TXNRD1: variants seen among roughly 807,000 people sequenced by gnomAD.
TXNRD1 encodes thioredoxin reductase 1, cytoplasmic.
TXNRD1 carries 57 observed loss-of-function variants against 80.3 expected under a neutral mutation model. The ratio of observed to expected loss-of-function variants is 0.71; its 90% confidence interval spans 0.57 to 0.89. TXNRD1 has a LOEUF of 0.89. Among genes scored for constraint, TXNRD1 ranks in the 40% least tolerant of loss-of-function variants. TXNRD1 has a pLI of 0.00. For missense variants in TXNRD1, 730 were observed against 803.0 expected, an observed-to-expected ratio of 0.91 and a Z score of 1.10; for synonymous variants, 291 against 285.2, an observed-to-expected ratio of 1.02 and a Z score of -0.20.
intron 4 of TXNRD1, among the ~76,000 whole-genome samples, chr12:104,307,999 C>CTT (rs11300166): frequency 3.5e-5 from 5 of 143,304 alleles, no homozygotes; most frequent in African/African-American, 7.7e-5. Flanking sequence ...CCTTTTCTTT[C>CTT]TTTTTTTTTT....
rs199989955 is a variant in TXNRD1, at chr12:104,324,353, GT to G, written c.1216-968del. The stretch of plus-strand genomic sequence containing the variant: ...CTGGATAGTTTCCCAGGTGGGTTTC[GT>G]TTTTTTTTTTTTTTTGAGATGGAGT... On this transcript the variant is annotated intron_variant, in intron 10 of 16. Transcript: ENST00000525566. Among the ~76,000 whole-genome samples, 959 of 120,112 alleles carry G rather than the reference GT, an allele frequency of 8.0e-3. 7 individuals carry two copies. The highest frequency in any genetic ancestry group is 0.026 in the African/African-American group (839 of 32,508). The allele number at this position is 120,112 out of a possible 152,430, so 78.8% of individuals were successfully genotyped here.
intron 3 of TXNRD1, among the ~76,000 whole-genome samples, chr12:104,267,421 G>A (rs2033528768): frequency 1.3e-5 from 2 of 151,646 alleles, no homozygotes; most frequent in African/African-American, 4.8e-5. Context: ...GGGAGTACAG[G>A]TATGTGCCAC....
At chr12:104,267,702 TC>T (rs1565870295) in intron 3 of TXNRD1, among the ~76,000 whole-genome samples, 751 of 60,828 alleles carry the variant, frequency 0.012, 14 homozygotes, top group Non-Finnish European at 0.019. Context: ...TCTTTCTTTC[TC>T]TCTTTCTTTC....
chr12:104,305,060 ATTGT>A, intron 4 of TXNRD1: 2 of 1,036,420 alleles, frequency 1.9e-6, no homozygotes, highest in Non-Finnish European at 2.7e-6. Flanking sequence ...AACATCAGAC[ATTGT>A]TTTACTGTGC....
intron 4 of TXNRD1, among the ~76,000 whole-genome samples, chr12:104,295,260 G>T (rs1351600347): frequency 6.6e-6 from 1 of 152,072 alleles, no homozygotes; most frequent in East Asian, 1.9e-4. Context: ...TCAAAATTCT[G>T]GTGGTATAGA....
chr12:104,325,218 A>G (rs1796032596), intron 10 of TXNRD1, 119 bp from the exon 11 acceptor site: 5 of 729,992 alleles, frequency 6.8e-6, no homozygotes, highest in Non-Finnish European at 1.2e-5. Flanking sequence ...TGGGACATAA[A>G]AGACTTTTCA....
At chr12:104,347,278 G>C (rs11610799) in intron 16 of TXNRD1, among the ~76,000 whole-genome samples, 16,051 of 151,120 alleles carry the variant, frequency 0.11, 975 homozygotes, top group East Asian at 0.19. Context: ...GGATTTTTTT[G>C]AGAAGTAAAG....
intron 1 of TXNRD1, among the ~76,000 whole-genome samples, chr12:104,230,433 G>A (rs557496694): frequency 6.6e-6 from 1 of 152,166 alleles, no homozygotes; most frequent in Non-Finnish European, 1.5e-5. Flanking sequence ...TTACATTTCT[G>A]CCAGCAATGT....
intron 3 of TXNRD1, among the ~76,000 whole-genome samples, chr12:104,261,148 C>T (rs1593719859): frequency 6.6e-6 from 1 of 151,162 alleles, no homozygotes; most frequent in African/African-American, 2.4e-5. Flanking sequence ...GTTATACTTC[C>T]CTTGCTCTTT....
At chr12:104,304,421 G>A in intron 4 of TXNRD1, 1 of 1,614,020 alleles carries the variant, frequency 6.2e-7, no homozygotes. Flanking sequence ...ATCCTGGATG[G>A]TAAAAGCTGA....
At chr12:104,218,801 T>C (rs2032281200) in intron 1 of TXNRD1, among the ~76,000 whole-genome samples, 1 of 151,924 alleles carries the variant, frequency 6.6e-6, no homozygotes, top group African/African-American at 2.4e-5. Context: ...AGAGATGAGG[T>C]CTTGCCATGT....
Position 104,350,023 on chromosome 12 carries a change from C to A in TXNRD1, c.*1602C>A, listed in dbSNP as rs1421784231. On this transcript the variant is annotated 3_prime_UTR_variant, in exon 17 of 17. Coordinates refer to ENST00000525566, the MANE Select transcript of TXNRD1 (RefSeq NM_001093771.3). ...TTATTTATTTTTAATTTGTTTTTTT[C>A]TCCAAGTCCACCAGTCTCTGAAATT... 6.6e-6 allele frequency: 1 copy of A among 152,060 alleles called. No individual in the cohort carries two copies. The highest frequency in any genetic ancestry group is 1.5e-5 in the Non-Finnish European group (1 of 68,008). 9.4% of individuals were successfully genotyped at this position (152,060 alleles called of 1,614,324 possible).
intron 15 of TXNRD1, 81 bp downstream of exon 15, chr12:104,334,413 T>A: frequency 3.7e-6 from 3 of 807,226 alleles, no homozygotes; most frequent in Non-Finnish European, 5.3e-6. Flanking sequence ...GATGGAGTCT[T>A]GCTCTGTTGC....
intron 3 of TXNRD1, chr12:104,286,554 C>G (rs35297641): frequency 4.2e-6 from 1 of 237,858 alleles, no homozygotes; most frequent in Non-Finnish European, 6.8e-6. Flanking sequence ...CAGTGGGTCC[C>G]AAACTTTGCT....
chr12:104,341,346 T>C (rs192336968), intron 16 of TXNRD1, among the ~76,000 whole-genome samples: 22 of 152,300 alleles, frequency 1.4e-4, no homozygotes, highest in African/African-American at 4.8e-4. Context: ...GAAATCGCAC[T>C]CTGTGAACAC....
At chr12:104,320,492 A>G (rs1471125122) in intron 9 of TXNRD1, among the ~76,000 whole-genome samples, 1 of 152,190 alleles carries the variant, frequency 6.6e-6, no homozygotes, top group Non-Finnish European at 1.5e-5. Flanking sequence ...TTGGGGATAC[A>G]TAAACATTCA....
chr12:104,341,489 A>T (rs977120371), intron 16 of TXNRD1, among the ~76,000 whole-genome samples: 1 of 152,180 alleles, frequency 6.6e-6, no homozygotes, highest in East Asian at 1.9e-4. Flanking sequence ...TCCTAGGATC[A>T]GGGTAGATAT....
At chr12:104,267,699 T>C (rs201732417) in intron 3 of TXNRD1, among the ~76,000 whole-genome samples, 4,004 of 46,376 alleles carry the variant, frequency 0.086, 132 homozygotes, top group African/African-American at 0.12. Context: ...CTTTCTTTCT[T>C]TCTCTCTTTC....
At chr12:104,242,019 C>T (rs1225192786) in intron 1 of TXNRD1, among the ~76,000 whole-genome samples, 1 of 133,512 alleles carries the variant, frequency 7.5e-6, no homozygotes, top group Non-Finnish European at 1.5e-5. Context: ...CTCACTGCAA[C>T]CTCCACCTCC....
Sources: gnomAD v4.1 joint callset for allele counts (sites outside exome capture counted in the v4.1 genomes callset) on GRCh38, gnomAD v4.1.1 for gene constraint, MANE v1.5 for transcripts, NCBI Gene and HGNC (gene_info 2026-07-23, HGNC 2026-07-21) for gene names.